Variants in ELOVL2 observed in about 807,000 individuals in gnomAD.
ELOVL2 encodes the protein ELOVL fatty acid elongase 2.
In ELOVL2, 38 loss-of-function variants were observed where a neutral mutation model predicts 37.7. That is an observed-to-expected ratio of 1.01 (90% CI 0.78 to 1.32). ELOVL2 has a LOEUF of 1.32. Among genes scored for constraint, ELOVL2 ranks in the 40% most tolerant of loss-of-function variants. ELOVL2 has a pLI of 0.00. For synonymous variants in ELOVL2, 115 were observed against 122.3 expected (o/e 0.94, Z 0.40); for missense variants, 352 against 363.6 (o/e 0.97, Z 0.26).
chr6:11,034,043 T>G (rs1170865144), intron 1 of ELOVL2, among the ~76,000 whole-genome samples: 1 of 152,168 alleles, frequency 6.6e-6, no homozygotes, highest in Non-Finnish European at 1.5e-5. Context: ...AAACAATTAG[T>G]AAGAAGTGGA....
intron 1 of ELOVL2, chr6:11,043,447 C>A (rs540355029): frequency 3.1e-5 from 2 of 64,442 alleles, no homozygotes; most frequent in East Asian, 7.6e-4. Flanking sequence ...TACTGTCAGG[C>A]AGTTCATCGG....
In ELOVL2 at chr6:11,044,294, G is replaced by A. The variant is rs1295903946; in HGVS notation, c.-64C>T. 2.3e-5 allele frequency: 29 copies of A among 1,247,362 alleles called. No individual in the cohort carries two copies. Among genetic ancestry groups the A allele is most frequent in the South Asian group, 2.8e-5 (1 of 35,370 alleles). The allele number at this position is 1,247,362 out of a possible 1,614,324, so 77.3% of individuals were successfully genotyped here. A position where few individuals can be genotyped will look rare whatever the true frequency, so the allele number is the denominator to read the frequency against. On this transcript the variant is annotated 5_prime_UTR_variant, in exon 1 of 8. Coordinates refer to ENST00000354666, the MANE Select transcript of ELOVL2 (RefSeq NM_017770.4). The surrounding 1 kb of genome is among the most constrained non-coding windows in gnomAD (Gnocchi z 5.6). The stretch of plus-strand genomic sequence containing the variant: ...GCGATGCGCTGTCCAGGGTAGCCGG[G>A]TCCCTCTGCCCGGCGCTATCTCGGC...
intron 5 of ELOVL2, among the ~76,000 whole-genome samples, chr6:10,990,957 G>A (rs1782148662): frequency 6.6e-6 from 1 of 152,202 alleles, no homozygotes; most frequent in African/African-American, 2.4e-5. Flanking sequence ...GGGAGGTGCT[G>A]GAGAAAGAAT....
chr6:11,003,317 C>G (rs763829814), intron 3 of ELOVL2, among the ~76,000 whole-genome samples: 9 of 152,126 alleles, frequency 5.9e-5, no homozygotes, highest in Admixed American at 1.3e-4. Context: ...TCCCCACCCC[C>G]CGACAGGCCC....
intron 5 of ELOVL2, among the ~76,000 whole-genome samples, chr6:10,994,083 A>G (rs1403622533): frequency 6.6e-6 from 1 of 150,770 alleles, no homozygotes; most frequent in Non-Finnish European, 1.5e-5. Context: ...AGATGGCTTG[A>G]GCCCAGGAGG....
In ELOVL2 at chr6:11,033,552, T is replaced by C. The variant is rs188447451; in HGVS notation, c.3+10676A>G. On this transcript the variant is annotated intron_variant, in intron 1 of 7. Transcript: ENST00000354666. ...CTGATTATGTAGAGCTCTTAAGATTTTCTGAAGTTATGTTTCAAATCAATG... is the reference window on the plus strand; with the variant it reads ...CTGATTATGTAGAGCTCTTAAGATTCTCTGAAGTTATGTTTCAAATCAATG... 2.9e-3 allele frequency among the ~76,000 whole-genome samples: 445 copies of C among 152,354 alleles called. 1 individual carries two copies. The highest frequency in any genetic ancestry group is 4.6e-3 in the Non-Finnish European group (313 of 68,022).
At position 10,990,355 on chromosome 6, in the gene ELOVL2, T is replaced by TA; in HGVS notation, c.592dup (p.Tyr198LeufsTer124). The TA allele has an allele frequency of 6.2e-7, 1 of 1,613,066 alleles. No homozygotes were observed. The highest frequency in any genetic ancestry group is 8.5e-7 in the Non-Finnish European group (1 of 1,179,676). On this transcript the variant is annotated frameshift_variant, in exon 6 of 8. Coordinates refer to ENST00000354666, the MANE Select transcript of ELOVL2 (RefSeq NM_017770.4). LOFTEE classifies it high-confidence loss of function. ...TGTGAGATATTTCTTCCACCAAAGA[T>TA]ACTTGTGCATAGATGGAAACACAGA... is the stretch of plus-strand genomic sequence containing the variant.
At chr6:11,007,252 A>G (rs768808315) in intron 2 of ELOVL2, among the ~76,000 whole-genome samples, 52 of 152,196 alleles carry the variant, frequency 3.4e-4, no homozygotes, top group Admixed American at 2.6e-4. Flanking sequence ...TTCAAGTCCT[A>G]ACTCCTGGTA....
chr6:10,991,947 T>TAATA, intron 5 of ELOVL2, among the ~76,000 whole-genome samples: 1 of 152,354 alleles, frequency 6.6e-6, no homozygotes, highest in Admixed American at 6.5e-5. Context: ...ATCATTTTTC[T>TAATA]AATATTCTTA....
chr6:10,989,718 T>TAAGA lies in ELOVL2; in HGVS notation c.746_749dup (p.Leu250PhefsTer73), dbSNP rs1431990866. ...TTCCACGTACCTGAACGTAAAAATT[T>TAAGA]AAGAAGAGGATGACTAACGTTAGCA... is the stretch of plus-strand genomic sequence containing the variant. On this transcript the variant is annotated frameshift_variant, in exon 7 of 8. Transcript: ENST00000354666. LOFTEE classifies it low-confidence loss of function (END_TRUNC). 6.2e-7 allele frequency: 1 copy of TAAGA among 1,613,824 alleles called. No individual in the cohort carries two copies. Among genetic ancestry groups the TAAGA allele is most frequent in the Non-Finnish European group, 8.5e-7 (1 of 1,179,804 alleles).
intron 1 of ELOVL2, among the ~76,000 whole-genome samples, chr6:11,041,563 C>T (rs1783097491): frequency 6.6e-6 from 1 of 152,136 alleles, no homozygotes; most frequent in Non-Finnish European, 1.5e-5. Flanking sequence ...AAACTTAAGT[C>T]AATAAGGTAT....
intron 1 of ELOVL2, chr6:11,015,684 A>T (rs1000510293): frequency 6.6e-6 from 1 of 152,194 alleles, no homozygotes. Flanking sequence ...TGCAGCTCCT[A>T]GTGCTGGTAG....
At chr6:11,023,427 A>G (rs1782794128) in intron 1 of ELOVL2, among the ~76,000 whole-genome samples, 1 of 152,142 alleles carries the variant, frequency 6.6e-6, no homozygotes, top group Non-Finnish European at 1.5e-5. Flanking sequence ...GCCAAATTTT[A>G]TTTCTAACTT....
chr6:10,990,731 C>T (rs919357269), intron 5 of ELOVL2, among the ~76,000 whole-genome samples: 3 of 151,636 alleles, frequency 2.0e-5, no homozygotes, highest in African/African-American at 7.3e-5. Context: ...TTAACCGTCA[C>T]TACTATCAGC....
chr6:11,000,921 T>C (rs1782368760), intron 3 of ELOVL2, among the ~76,000 whole-genome samples: 1 of 152,210 alleles, frequency 6.6e-6, no homozygotes, highest in Non-Finnish European at 1.5e-5. Flanking sequence ...TTGGTGTACT[T>C]TCCACCTCAT....
At chr6:10,985,561 C>G (rs1012023059) in intron 7 of ELOVL2, among the ~76,000 whole-genome samples, 2 of 151,328 alleles carry the variant, frequency 1.3e-5, no homozygotes, top group African/African-American at 4.9e-5. Flanking sequence ...CAGCTTTCTA[C>G]ATATGGCTAG....
intron 3 of ELOVL2, among the ~76,000 whole-genome samples, chr6:11,003,812 C>T (rs1424765761): frequency 3.9e-5 from 6 of 151,950 alleles, no homozygotes; most frequent in South Asian, 2.1e-4. Flanking sequence ...CTGGGGGTGG[C>T]GGCTCACGCC....
intron 1 of ELOVL2, among the ~76,000 whole-genome samples, chr6:11,019,660 G>A (rs1430045145): frequency 1.3e-5 from 2 of 150,880 alleles, no homozygotes; most frequent in East Asian, 3.9e-4. Flanking sequence ...AAGGAGGATA[G>A]TGGGCATGGG....
In ELOVL2 at chr6:10,990,455, A is replaced by G; in HGVS notation, c.506-13T>C. 6.4e-7 allele frequency: 1 copy of G among 1,566,840 alleles called. No individual in the cohort carries two copies. Among genetic ancestry groups the G allele is most frequent in the Non-Finnish European group, 8.6e-7 (1 of 1,163,896 alleles). On this transcript the variant is annotated splice_polypyrimidine_tract_variant and intron_variant, in intron 5 of 7. Transcript: ENST00000354666. ...GGTCCAAAGAAACCTATAAAAGTAC[A>G]GTATAAAAATCACTATTCTTCCAGG...
Sources: allele counts gnomAD v4.1 joint callset (sites outside exome capture counted in the v4.1 genomes callset), GRCh38; gene constraint gnomAD v4.1.1; non-coding constraint Gnocchi (gnomAD v3.1); transcripts MANE v1.5; gene names NCBI Gene and HGNC (gene_info 2026-07-23, HGNC 2026-07-21).